The following PKM variants were observed in gnomAD, a reference collection of about 807,000 sequenced individuals.
The protein encoded by PKM is pyruvate kinase M1/2, also known as pyruvate kinase PKM.
Under a neutral mutation model 49.8 loss-of-function variants are expected in PKM, and 18 were observed. That is an observed-to-expected ratio of 0.36 (90% CI 0.25 to 0.54). The LOEUF (loss-of-function observed/expected upper bound fraction) is 0.54. PKM is among the 20% of genes least tolerant of loss of function. The probability of loss-of-function intolerance (pLI) is 0.89; values close to 1 mark genes in which losing one functional copy is unlikely to be tolerated. For synonymous variants in PKM, 239 were observed against 261.8 expected (o/e 0.91, Z 0.84); for missense variants, 508 against 713.8 (o/e 0.71, Z 3.28).
chr15:72,203,124 G>A (rs546090006), intron 8 of PKM: 1 of 1,614,136 alleles, frequency 6.2e-7, no homozygotes, highest in South Asian at 1.1e-5. Context: ...GGAGTGACTT[G>A]AGGCTCGCAC....
intron 1 of PKM, among the ~76,000 whole-genome samples, chr15:72,223,085 T>A (rs1242540024): frequency 6.6e-6 from 1 of 150,378 alleles, no homozygotes; most frequent in South Asian, 2.1e-4. Context: ...AGTGGTGTGA[T>A]TATATTATAT....
chr15:72,210,348 C>G lies in PKM; in HGVS notation c.377G>C (p.Gly126Ala). 6.2e-7 allele frequency: 1 copy of G among 1,614,092 alleles called. No individual in the cohort carries two copies. The highest frequency in any genetic ancestry group is 8.5e-7 in the Non-Finnish European group (1 of 1,179,970). ...CCTCGCTCTCCGCAGAATACTCACG[C>G]CCTTGATGAGCCCAGTTCGGATCTC... is the stretch of plus-strand genomic sequence containing the variant. ...GPEIRTGLIK[G>A]SGTAEVELKK... Residue 126 changes from glycine (G) to alanine (A), a missense_variant and splice_region_variant, in exon 4 of 11, where the codon GGC becomes GCC. By Grantham distance (60) the Gly-to-Ala change is moderately conservative. Coordinates refer to ENST00000335181, the MANE Select transcript of PKM (RefSeq NM_002654.6).
At position 72,206,742 on chromosome 15, in the gene PKM, G is replaced by T; in HGVS notation, c.1126C>A (p.Arg376Ser). 6.2e-7 allele frequency: 1 copy of T among 1,613,138 alleles called. No individual in the cohort carries two copies. Among genetic ancestry groups the T allele is most frequent in the Non-Finnish European group, 8.5e-7 (1 of 1,179,996 alleles). ...CCAGAACTCACCAGGTGCTGCATGC[G>T]CACAGCCTCCAGAGGATAGTCCCCT... Reference protein sequence around the residue: ...AKGDYPLEAVRMQHLIAREAE... With the variant: ...AKGDYPLEAVSMQHLIAREAE... Residue 376 changes from arginine (R) to serine (S), a missense_variant, in exon 8 of 11, where the codon CGC (arginine) becomes AGC (serine). Physicochemically the swap from Arg to Ser is moderately radical, Grantham distance 110. Coordinates refer to ENST00000335181, the MANE Select transcript of PKM (RefSeq NM_002654.6).
chr15:72,219,026 G>A lies in PKM; in HGVS notation c.72C>T (p.Asp24=), dbSNP rs764361660. Residue 24 remains aspartate, a synonymous_variant, in exon 2 of 11, where the codon GAC becomes GAT. Transcript: ENST00000335181. Reference sequence around the variant, plus strand: ...GGCGGCACATGTGCTCCAGGAATGTGTCAGCCATGGCTGCGTGCAGCTGCT... The same window carrying A: ...GGCGGCACATGTGCTCCAGGAATGTATCAGCCATGGCTGCGTGCAGCTGCT... The part of the protein sequence containing the change: ...QTQQLHAAMA[D]TFLEHMCRLD... 7.4e-6 allele frequency: 12 copies of A among 1,614,196 alleles called. No homozygotes were observed. In the East Asian group the frequency reaches 2.7e-4, roughly 36 times the overall value.
chr15:72,211,323 T>C (rs1423346616), intron 3 of PKM, among the ~76,000 whole-genome samples: 1 of 152,104 alleles, frequency 6.6e-6, no homozygotes, highest in Non-Finnish European at 1.5e-5. Context: ...CACCTCGGCC[T>C]CCCAAAGTGC....
chr15:72,229,155 G>A (rs1237968603), intron 1 of PKM, among the ~76,000 whole-genome samples: 1 of 152,218 alleles, frequency 6.6e-6, no homozygotes, highest in Non-Finnish European at 1.5e-5. Context: ...ACAGTAGGAA[G>A]ACAATGGATC....
chr15:72,230,868 G>C, intron 1 of PKM: 5 of 1,216,784 alleles, frequency 4.1e-6, no homozygotes, highest in Non-Finnish European at 5.4e-6. Flanking sequence ...GAGGGGGTAG[G>C]GCTGGGGCGG....
At position 72,219,130 on chromosome 15, in the gene PKM, AAG is replaced by A; in HGVS notation, c.-13-22_-13-21del. ...GAGGTCCTGGGTCGAGACAAATTGA[AAG>A]AGAGTGGTAAGACTGAGAAGTGGTT... On this transcript the variant is annotated intron_variant, in intron 1 of 10. Transcript: ENST00000335181. 1 of 1,607,400 alleles carries A rather than the reference AAG, an allele frequency of 6.2e-7. No homozygotes were observed. Among genetic ancestry groups the A allele is most frequent in the Non-Finnish European group, 8.5e-7 (1 of 1,175,016 alleles).
At chr15:72,215,143 G>C (rs1424742615) in intron 3 of PKM, among the ~76,000 whole-genome samples, 1 of 152,196 alleles carries the variant, frequency 6.6e-6, no homozygotes, top group Admixed American at 6.5e-5. Flanking sequence ...AGAGGTTGTG[G>C]TGAGCAGAGA....
At chr15:72,229,922 AAAAGAAAGAAAAAAG>A (rs1567138046) in intron 1 of PKM, among the ~76,000 whole-genome samples, 3 of 98,816 alleles carry the variant, frequency 3.0e-5, no homozygotes, top group East Asian at 5.4e-4. Context: ...AAAAAAAAAA[AAAAGAAAGAAAAAAG>A]AAAGGAAAAG....
rs564669988 is a variant in PKM at position 72,231,171 on chromosome 15, G to C, written c.-69C>G. The stretch of plus-strand genomic sequence containing the variant: ...CAAAGACGAAGAGATCCGGAGCCAC[G>C]GCGCGTGCAGCTGCTGTGCAAGGAG... On this transcript the variant is annotated 5_prime_UTR_variant, in exon 1 of 11. Transcript: ENST00000335181. The C allele has an allele frequency of 7.0e-6, 2 of 287,264 alleles. No homozygotes were observed. The highest frequency in any genetic ancestry group is 4.5e-5 in the African/African-American group (2 of 44,894). The allele number at this position is 287,264 out of a possible 1,614,324, so 17.8% of individuals were successfully genotyped here.
intron 4 of PKM, 171 bp from the exon 5 acceptor site, chr15:72,210,030 CAAGAA>C (rs1230111145): frequency 2.9e-6 from 2 of 678,134 alleles, no homozygotes; most frequent in Admixed American, 4.5e-5. Flanking sequence ...GGAAATAATC[CAAGAA>C]AAGAATATGT....
intron 1 of PKM, among the ~76,000 whole-genome samples, chr15:72,227,063 C>T (rs189766263): frequency 4.3e-4 from 66 of 152,310 alleles, no homozygotes; most frequent in Non-Finnish European, 2.1e-4. Flanking sequence ...TAACAAAGTC[C>T]CAAGTATTTA....
chr15:72,199,307 C>T lies in PKM; in HGVS notation c.*343G>A, dbSNP rs745997051. Reference sequence around the variant, plus strand: ...TTGACCCCAAGCCAGGGTTGGGAGTCCTCTGGGCATCCATTTTTTCTAAAG... The same window carrying T: ...TTGACCCCAAGCCAGGGTTGGGAGTTCTCTGGGCATCCATTTTTTCTAAAG... On this transcript the variant is annotated 3_prime_UTR_variant, in exon 11 of 11. Coordinates refer to ENST00000335181, the MANE Select transcript of PKM (RefSeq NM_002654.6). 7.7e-5 allele frequency: 34 copies of T among 439,636 alleles called. 1 individual carries two copies. Among genetic ancestry groups the T allele is most frequent in the South Asian group, 4.7e-4 (25 of 52,714 alleles). The allele number at this position is 439,636 out of a possible 1,614,324, so 27.2% of individuals were successfully genotyped here. A position where few individuals can be genotyped will look rare whatever the true frequency, so the allele number is the denominator to read the frequency against.
chr15:72,203,377 T>C lies in PKM; in HGVS notation c.1141-757A>G, dbSNP rs1196824500. 1.6e-5 allele frequency: 10 copies of C among 613,164 alleles called. No individual in the cohort carries two copies. In the Admixed American group the frequency reaches 2.6e-4, roughly 16 times the overall value. The allele number at this position is 613,164 out of a possible 1,614,324, so 38.0% of individuals were successfully genotyped here. A position where few individuals can be genotyped will look rare whatever the true frequency, so the allele number is the denominator to read the frequency against. On this transcript the variant is annotated intron_variant, in intron 8 of 10. Transcript: ENST00000335181. ...AAAGTCCAACTGCTTCAGGAGGTGC[T>C]GCCACTTCCCCTCCAATACAGGGGA...
At chr15:72,223,852 T>C (rs542352608) in intron 1 of PKM, among the ~76,000 whole-genome samples, 2 of 151,550 alleles carry the variant, frequency 1.3e-5, no homozygotes, top group South Asian at 4.2e-4. Flanking sequence ...GAAAGCAGTA[T>C]GGTGTTACCA....
At chr15:72,209,925 A>G (rs2082206088) in intron 4 of PKM, 66 bp from the exon 5 acceptor site, 2 of 1,339,878 alleles carry the variant, frequency 1.5e-6, no homozygotes, top group African/African-American at 2.9e-5. Context: ...CCTCAGAAGG[A>G]ATGGAAAAGC....
At chr15:72,209,900 C>T (rs200465023) in intron 4 of PKM, 41 bp from the exon 5 acceptor site, 2 of 1,508,118 alleles carry the variant, frequency 1.3e-6, no homozygotes, top group East Asian at 2.3e-5. Flanking sequence ...ACTGGAGACA[C>T]CAGTAGCAGC....
intron 3 of PKM, among the ~76,000 whole-genome samples, chr15:72,211,069 GTT>G (rs35471277): frequency 1.4e-5 from 2 of 142,532 alleles, no homozygotes; most frequent in Non-Finnish European, 3.1e-5. Context: ...CAATCGCTTT[GTT>G]TTTTTTTTTT....
Sources: allele counts gnomAD v4.1 joint callset (sites outside exome capture counted in the v4.1 genomes callset), GRCh38; gene constraint gnomAD v4.1.1; transcripts MANE v1.5; gene names NCBI Gene and HGNC (gene_info 2026-07-23, HGNC 2026-07-21).